GABRB1: variants seen among roughly 807,000 people sequenced by gnomAD.
GABRB1 encodes gamma-aminobutyric acid type A receptor subunit beta1.
In GABRB1, 17 loss-of-function variants were observed where a neutral mutation model predicts 51.6. That is an observed-to-expected ratio of 0.33 (90% CI 0.23 to 0.49). GABRB1 has a LOEUF of 0.49. Ranked by LOEUF, GABRB1 falls within the 20% of genes least tolerant of loss-of-function variation. The pLI is 0.99. For missense variants in GABRB1, 410 were observed against 600.6 expected (o/e 0.68, Z 3.32); for synonymous variants, 247 against 218.9 (o/e 1.13, Z -1.14).
chr4:47,401,316 A>G (rs567841095), intron 5 of GABRB1, among the ~76,000 whole-genome samples: 2 of 152,350 alleles, frequency 1.3e-5, no homozygotes, highest in East Asian at 3.9e-4. Context: ...AATTGGCACA[A>G]TATCTATGGA....
chr4:47,145,209 ATTATT>A (rs1717106653), intron 3 of GABRB1, among the ~76,000 whole-genome samples: 1 of 151,998 alleles, frequency 6.6e-6, no homozygotes, highest in Non-Finnish European at 1.5e-5. Context: ...GTTGAGCTAG[ATTATT>A]GAAAACCTTT....
chr4:47,391,213 CT>C (rs11372502), intron 5 of GABRB1, among the ~76,000 whole-genome samples: 1 of 151,488 alleles, frequency 6.6e-6, no homozygotes, highest in Non-Finnish European at 1.5e-5. Context: ...AGTAAGCCTT[CT>C]TTTTTTCCCC....
intron 1 of GABRB1, among the ~76,000 whole-genome samples, chr4:47,009,538 G>A (rs1395192018): frequency 6.6e-6 from 1 of 152,104 alleles, no homozygotes; most frequent in African/African-American, 2.4e-5. Flanking sequence ...GAAAAAAATA[G>A]AACTTGAGAG....
chr4:47,232,584 G>A (rs1160343669), intron 4 of GABRB1, among the ~76,000 whole-genome samples: 2 of 152,084 alleles, frequency 1.3e-5, no homozygotes, highest in Non-Finnish European at 2.9e-5. Context: ...CCATCTGGAT[G>A]TCCTGCATGC....
intron 5 of GABRB1, among the ~76,000 whole-genome samples, chr4:47,334,922 CT>C (rs1725638640): frequency 1.3e-5 from 2 of 152,204 alleles, no homozygotes; most frequent in African/African-American, 4.8e-5. Flanking sequence ...GTTCTCTGAT[CT>C]TCTTAGTGAC....
chr4:47,261,432 C>T (rs931939797), intron 4 of GABRB1, among the ~76,000 whole-genome samples: 2 of 152,244 alleles, frequency 1.3e-5, no homozygotes, highest in African/African-American at 4.8e-5. Context: ...TGAGTGAACT[C>T]CCATTCACAA....
intron 1 of GABRB1, among the ~76,000 whole-genome samples, chr4:47,015,675 A>G (rs902033015): frequency 6.6e-6 from 1 of 152,226 alleles, no homozygotes; most frequent in Non-Finnish European, 1.5e-5. Flanking sequence ...ATTGCTTACC[A>G]TAATTTGTAA....
chr4:47,248,630 G>T (rs573236973), intron 4 of GABRB1, among the ~76,000 whole-genome samples: 1 of 151,890 alleles, frequency 6.6e-6, no homozygotes, highest in Non-Finnish European at 1.5e-5. Context: ...GAATCCATCT[G>T]GTCCTAGACT....
intron 3 of GABRB1, among the ~76,000 whole-genome samples, chr4:47,060,857 A>C (rs1014360605): frequency 6.6e-6 from 1 of 152,194 alleles, no homozygotes; most frequent in Admixed American, 6.5e-5. Flanking sequence ...TCTTCATTAC[A>C]TTATTCATAA....
intron 3 of GABRB1, among the ~76,000 whole-genome samples, chr4:47,061,283 T>A (rs1726836594): frequency 6.6e-6 from 1 of 152,176 alleles, no homozygotes; most frequent in Non-Finnish European, 1.5e-5. Flanking sequence ...ACAGCTATTG[T>A]GCTTTTTAAA....
At chr4:47,377,529 A>C (rs541928571) in intron 5 of GABRB1, among the ~76,000 whole-genome samples, 15 of 152,094 alleles carry the variant, frequency 9.9e-5, no homozygotes, top group Non-Finnish European at 7.4e-5. Context: ...AGCAGCAGCA[A>C]GATTTATTGC....
At chr4:47,237,631 A>T (rs1332542499) in intron 4 of GABRB1, among the ~76,000 whole-genome samples, 1 of 152,062 alleles carries the variant, frequency 6.6e-6, no homozygotes, top group Admixed American at 6.5e-5. Context: ...GTTCTAAGAA[A>T]TTTAAAATCT....
chr4:47,170,419 G>C (rs766387561), intron 4 of GABRB1, among the ~76,000 whole-genome samples: 24 of 148,614 alleles, frequency 1.6e-4, no homozygotes, highest in Non-Finnish European at 2.8e-4. Context: ...ACACACACAC[G>C]CACACACGCA....
At chr4:47,244,733 C>G (rs1721674201) in intron 4 of GABRB1, among the ~76,000 whole-genome samples, 1 of 152,104 alleles carries the variant, frequency 6.6e-6, no homozygotes, top group South Asian at 2.1e-4. Context: ...ACAACTTGCT[C>G]CTGAATGACT....
intron 3 of GABRB1, among the ~76,000 whole-genome samples, chr4:47,140,856 G>A (rs144262485): frequency 1.3e-5 from 2 of 150,482 alleles, no homozygotes; most frequent in African/African-American, 4.9e-5. Context: ...TATATGTGAT[G>A]TTTAAAATAC....
chr4:47,279,693 A>G (rs1326018711), intron 4 of GABRB1, among the ~76,000 whole-genome samples: 1 of 151,982 alleles, frequency 6.6e-6, no homozygotes, highest in East Asian at 1.9e-4. Context: ...TTTTGTCTTA[A>G]ATAAATCTAT....
intron 3 of GABRB1, among the ~76,000 whole-genome samples, chr4:47,096,259 C>T (rs929612123): frequency 6.6e-6 from 1 of 152,088 alleles, no homozygotes; most frequent in Non-Finnish European, 1.5e-5. Flanking sequence ...TACTGTTTTT[C>T]CTTCCCACTG....
chr4:47,059,774 TA>T (rs887930488), intron 3 of GABRB1, among the ~76,000 whole-genome samples: 3 of 152,316 alleles, frequency 2.0e-5, no homozygotes, highest in Admixed American at 1.3e-4. Flanking sequence ...TTTATGACTT[TA>T]ACTATAACTT....
chr4:47,414,689 A>T (rs1456015328), intron 8 of GABRB1, among the ~76,000 whole-genome samples: 2 of 152,156 alleles, frequency 1.3e-5, no homozygotes, highest in Non-Finnish European at 2.9e-5. Context: ...AGATATTAGT[A>T]TTGTGATCTG....
Sources: gnomAD v4.1 joint callset for allele counts (sites outside exome capture counted in the v4.1 genomes callset) on GRCh38, gnomAD v4.1.1 for gene constraint, MANE v1.5 for transcripts, NCBI Gene and HGNC (gene_info 2026-07-23, HGNC 2026-07-21) for gene names.